PDE5A: variants seen among roughly 807,000 people sequenced by gnomAD.
PDE5A encodes the protein cGMP-specific 3',5'-cyclic phosphodiesterase.
Under a neutral mutation model 110.2 loss-of-function variants are expected in PDE5A, and 67 were observed. The ratio of observed to expected loss-of-function variants is 0.61; its 90% confidence interval spans 0.50 to 0.75. The LOEUF (loss-of-function observed/expected upper bound fraction) is 0.75, where lower values mean the gene tolerates loss of function less well. PDE5A is among the 30% of genes least tolerant of loss of function. The probability of loss-of-function intolerance (pLI) is 0.00; values close to 1 mark genes in which losing one functional copy is unlikely to be tolerated. For missense variants in PDE5A, 862 were observed against 1,045.1 expected (o/e 0.82, Z 2.42); for synonymous variants, 328 against 351.2 (o/e 0.93, Z 0.74).
chr4:119,538,291 T>C (rs1343316986), intron 11 of PDE5A, among the ~76,000 whole-genome samples: 1 of 152,172 alleles, frequency 6.6e-6, no homozygotes, highest in Non-Finnish European at 1.5e-5. Context: ...GTTCACACTT[T>C]TCTCATTCCT....
chr4:119,514,900 T>C (rs897631763), intron 14 of PDE5A, among the ~76,000 whole-genome samples: 3 of 152,068 alleles, frequency 2.0e-5, no homozygotes, highest in African/African-American at 4.8e-5. Flanking sequence ...AACAGGGACA[T>C]AGAGAAGTTT....
chr4:119,622,153 G>A (rs188672228), intron 1 of PDE5A, among the ~76,000 whole-genome samples: 1,746 of 146,806 alleles, frequency 0.012, 22 homozygotes, highest in Non-Finnish European at 0.021. Flanking sequence ...CAGCCTGGGC[G>A]ACAGAGCGAG....
intron 1 of PDE5A, among the ~76,000 whole-genome samples, chr4:119,618,915 A>C (rs1172786370): frequency 6.6e-6 from 1 of 152,102 alleles, no homozygotes; most frequent in Non-Finnish European, 1.5e-5. Flanking sequence ...GGACCTCAAA[A>C]ATGTCCATAT....
chr4:119,549,142 AAC>A (rs980749423), intron 9 of PDE5A: 1 of 152,232 alleles, frequency 6.6e-6, no homozygotes, highest in African/African-American at 2.4e-5. Context: ...AAAATAAATT[AAC>A]AGAGTAAGAT....
chr4:119,562,176 TA>T (rs1727766468), intron 6 of PDE5A, among the ~76,000 whole-genome samples: 1 of 152,238 alleles, frequency 6.6e-6, no homozygotes, highest in South Asian at 2.1e-4. Flanking sequence ...GCCCTGATTC[TA>T]CTGGCAAACT....
At position 119,533,483 on chromosome 4, in the gene PDE5A, G is replaced by A. The variant is rs550546217; in HGVS notation, c.1632+5477C>T. Among the ~76,000 whole-genome samples the A allele has an allele frequency of 6.6e-5, 10 of 152,220 alleles. No individual in the cohort carries two copies. The South Asian group carries it at 1.2e-3, about 19-fold the overall frequency. On this transcript the variant is annotated intron_variant, in intron 11 of 20. Transcript: ENST00000354960. ...AAGGCTTTTAGAATTTATCTTTTTC[G>A]AAGAGGGAAGTGAATCCAAAGACAG...
At chr4:119,584,270 G>T (rs1289824013) in intron 3 of PDE5A, among the ~76,000 whole-genome samples, 3 of 152,192 alleles carry the variant, frequency 2.0e-5, no homozygotes, top group Non-Finnish European at 2.9e-5. Flanking sequence ...TTTCAGGGGA[G>T]AAGAGAAAGG....
intron 3 of PDE5A, among the ~76,000 whole-genome samples, chr4:119,588,856 A>C (rs1728865696): frequency 1.3e-5 from 2 of 152,166 alleles, no homozygotes; most frequent in South Asian, 2.1e-4. Flanking sequence ...AGCTAAAATG[A>C]TCTTTTACCA....
chr4:119,540,347 G>GTTACCATAC lies in PDE5A; in HGVS notation c.1573-1337_1573-1329dup, dbSNP rs1192224595. Among the ~76,000 whole-genome samples, 8 of 152,244 alleles carry GTTACCATAC rather than the reference G, an allele frequency of 5.3e-5. 1 individual carries two copies. In the South Asian group the frequency reaches 1.2e-3, roughly 24 times the overall value. ...TTGTACTATCTTATGATTTAGAACTGTTACCATACTGCACTACATTGCATC... is the reference window on the plus strand; with the variant it reads ...TTGTACTATCTTATGATTTAGAACTGTTACCATACTTACCATACTGCACTACATTGCATC... On this transcript the variant is annotated intron_variant, in intron 10 of 20. Coordinates refer to ENST00000354960, the MANE Select transcript of PDE5A (RefSeq NM_001083.4).
chr4:119,600,418 C>G (rs1478519612), intron 2 of PDE5A, among the ~76,000 whole-genome samples: 3 of 151,992 alleles, frequency 2.0e-5, no homozygotes, highest in Admixed American at 1.3e-4. Flanking sequence ...TGCTAATATA[C>G]CAGCAACAAT....
intron 4 of PDE5A, among the ~76,000 whole-genome samples, chr4:119,565,885 T>C (rs911247546): frequency 6.6e-6 from 1 of 150,998 alleles, no homozygotes; most frequent in African/African-American, 2.4e-5. Context: ...GGATCTATCA[T>C]CCTCATTAAA....
intron 3 of PDE5A, among the ~76,000 whole-genome samples, chr4:119,593,734 G>A (rs963801346): frequency 1.3e-5 from 2 of 152,142 alleles, no homozygotes; most frequent in African/African-American, 2.4e-5. Context: ...TATATTATAT[G>A]TGTATTAATC....
At chr4:119,618,204 T>C (rs1010783972) in intron 1 of PDE5A, among the ~76,000 whole-genome samples, 4 of 152,220 alleles carry the variant, frequency 2.6e-5, no homozygotes, top group Admixed American at 1.3e-4. Flanking sequence ...AAGGAAATGA[T>C]GCTGGAGTCA....
At position 119,625,569 on chromosome 4, in the gene PDE5A, C is replaced by T. The variant is rs183740063; in HGVS notation, c.152+2951G>A. On this transcript the variant is annotated intron_variant, in intron 1 of 20. Transcript: ENST00000354960. ...AAGCCTGATTACTGGTGCAGATGGA[C>T]GATCTGGGTGAATATAAATATATTT... 1.6e-3 allele frequency among the ~76,000 whole-genome samples: 244 copies of T among 152,168 alleles called. 2 individuals are homozygous for T. The highest frequency in any genetic ancestry group is 3.4e-3 in the Middle Eastern group (1 of 294).
In PDE5A at chr4:119,505,963, T is replaced by A. The variant is rs779979565; in HGVS notation, c.2190-31A>T. ...ATGTTTAAAAAAAAATTGTTAGTTA[T>A]AATGAGTACCCAGGGTCTTATCCCT... On this transcript the variant is annotated intron_variant, in intron 16 of 20. Coordinates refer to ENST00000354960, the MANE Select transcript of PDE5A (RefSeq NM_001083.4). The A allele has an allele frequency of 2.4e-5, 30 of 1,275,480 alleles. No individual in the cohort carries two copies. In the African/African-American group the frequency reaches 3.1e-4, roughly 13 times the overall value. 79.0% of individuals were successfully genotyped at this position (1,275,480 alleles called of 1,614,324 possible). A position where few individuals can be genotyped will look rare whatever the true frequency, so the allele number is the denominator to read the frequency against.
intron 4 of PDE5A, among the ~76,000 whole-genome samples, chr4:119,565,999 TTGA>T (rs1727920407): frequency 6.7e-6 from 1 of 150,002 alleles, no homozygotes; most frequent in Non-Finnish European, 1.5e-5. Flanking sequence ...GTATTAATTA[TTGA>T]TTGAAATAAA....
chr4:119,586,676 C>T (rs1426237617), intron 3 of PDE5A, among the ~76,000 whole-genome samples: 1 of 152,132 alleles, frequency 6.6e-6, no homozygotes, highest in Non-Finnish European at 1.5e-5. Context: ...TTCCAGACCC[C>T]TAATACCCAT....
chr4:119,592,150 CAAAAAAAAAAA>C (rs70944895), intron 3 of PDE5A, among the ~76,000 whole-genome samples: 25 of 15,752 alleles, frequency 1.6e-3, no homozygotes, highest in African/African-American at 5.5e-3. Context: ...GACTCTGTCT[CAAAAAAAAAAA>C]AAAAAAAAAA....
chr4:119,564,432 A>T (rs971947513), intron 5 of PDE5A, among the ~76,000 whole-genome samples: 3 of 152,192 alleles, frequency 2.0e-5, no homozygotes, highest in Admixed American at 2.0e-4. Flanking sequence ...GAAGTAGGGG[A>T]TCCAAAAGAT....
Sources: allele counts gnomAD v4.1 joint callset (sites outside exome capture counted in the v4.1 genomes callset), GRCh38; gene constraint gnomAD v4.1.1; transcripts MANE v1.5; gene names NCBI Gene and HGNC (gene_info 2026-07-23, HGNC 2026-07-21).